SHB: variants seen among roughly 807,000 people sequenced by gnomAD.
SHB encodes SH2 domain containing adaptor protein B.
In SHB, 20 loss-of-function variants were observed where a neutral mutation model predicts 52.3. The observed-to-expected ratio is 0.38, with a 90% confidence interval of 0.27 to 0.56. SHB has a LOEUF of 0.56. SHB is among the 20% of genes least tolerant of loss of function. SHB has a pLI of 0.71. For missense variants in SHB, 825 were observed against 723.3 expected (o/e 1.14, Z -1.61); for synonymous variants, 397 against 316.5 (o/e 1.25, Z -2.70).
At chr9:37,955,341 G>A (rs1832616188) in intron 4 of SHB, among the ~76,000 whole-genome samples, 1 of 152,152 alleles carries the variant, frequency 6.6e-6, no homozygotes, top group African/African-American at 2.4e-5. Flanking sequence ...GGAGGTATGT[G>A]TTCTAATCCT....
intron 1 of SHB, among the ~76,000 whole-genome samples, chr9:38,055,204 G>A (rs1448683683): frequency 6.6e-6 from 1 of 152,158 alleles, no homozygotes; most frequent in East Asian, 1.9e-4. Context: ...AGTCATGTTC[G>A]GCAGTGTTCA....
In SHB at chr9:37,918,696, TTC is replaced by T. The variant is rs754209291; in HGVS notation, c.*1123_*1124del. Among the ~76,000 whole-genome samples, 4 of 152,134 alleles carry T rather than the reference TTC, an allele frequency of 2.6e-5. No individual in the cohort carries two copies. The highest frequency in any genetic ancestry group is 4.4e-5 in the Non-Finnish European group (3 of 68,008). ...TGTGGCTTTGGGCAAATGACGTTCC[TTC>T]TCTGTCTCCCTTTCCCTACATGCCA... On this transcript the variant is annotated 3_prime_UTR_variant, in exon 6 of 6. Transcript: ENST00000377707.
chr9:38,038,449 C>T (rs1821519249), intron 1 of SHB, among the ~76,000 whole-genome samples: 1 of 152,198 alleles, frequency 6.6e-6, no homozygotes, highest in Non-Finnish European at 1.5e-5. Context: ...ACCTCCACCC[C>T]AAACTGGAGA....
chr9:37,949,431 GA>G (rs1379227260), intron 4 of SHB, among the ~76,000 whole-genome samples: 1 of 150,322 alleles, frequency 6.7e-6, no homozygotes, highest in East Asian at 1.9e-4. Flanking sequence ...AAAGAAAATG[GA>G]AAAAAAAGAA....
chr9:37,928,940 C>A (rs577873683), intron 5 of SHB, among the ~76,000 whole-genome samples: 1 of 152,228 alleles, frequency 6.6e-6, no homozygotes, highest in Admixed American at 6.5e-5. Context: ...AAGGCAGCCT[C>A]GGGGGAAGCC....
chr9:38,045,715 A>G (rs1005519317), intron 1 of SHB, among the ~76,000 whole-genome samples: 3 of 152,192 alleles, frequency 2.0e-5, no homozygotes, highest in African/African-American at 7.2e-5. Flanking sequence ...ACAGCACAAC[A>G]CAGGTACAAT....
At chr9:37,954,966 T>C (rs1203907288) in intron 4 of SHB, among the ~76,000 whole-genome samples, 1 of 151,958 alleles carries the variant, frequency 6.6e-6, no homozygotes, top group Non-Finnish European at 1.5e-5. Context: ...ATGTGGGACC[T>C]TGGGGGCAGC....
At chr9:38,060,936 C>T (rs1821883328) in intron 1 of SHB, among the ~76,000 whole-genome samples, 1 of 152,192 alleles carries the variant, frequency 6.6e-6, no homozygotes, top group Non-Finnish European at 1.5e-5. Flanking sequence ...TCCCTGTATC[C>T]ACACAGCTCC....
At chr9:37,994,145 G>T (rs7852775) in intron 2 of SHB, among the ~76,000 whole-genome samples, 2,106 of 152,286 alleles carry the variant, frequency 0.014, 19 homozygotes, top group Middle Eastern at 0.034. Context: ...TTTATAGATG[G>T]TTATAGCAAC....
intron 1 of SHB, among the ~76,000 whole-genome samples, chr9:38,064,792 G>A (rs546050324): frequency 7.4e-4 from 113 of 152,322 alleles, no homozygotes; most frequent in Non-Finnish European, 1.2e-3. Context: ...GGCTATGTTA[G>A]GGGAGAAACC....
At chr9:37,949,147 G>A (rs1310383746) in intron 4 of SHB, among the ~76,000 whole-genome samples, 2 of 152,188 alleles carry the variant, frequency 1.3e-5, no homozygotes, top group Admixed American at 6.5e-5. Context: ...TGTAATCCCA[G>A]CGCTTTGGGA....
At chr9:37,937,551 T>C (rs1050724387) in intron 5 of SHB, among the ~76,000 whole-genome samples, 11 of 151,690 alleles carry the variant, frequency 7.3e-5, no homozygotes, top group African/African-American at 2.7e-4. Context: ...GGGAGCTTCC[T>C]AGAGAAGAGC....
intron 2 of SHB, among the ~76,000 whole-genome samples, chr9:37,977,473 C>T (rs1005329142): frequency 2.0e-5 from 3 of 152,166 alleles, no homozygotes; most frequent in Non-Finnish European, 2.9e-5. Context: ...AGAAGGTGTC[C>T]CACACTTTGG....
At chr9:38,066,925 CA>C (rs1009226996) in intron 1 of SHB, among the ~76,000 whole-genome samples, 6 of 152,100 alleles carry the variant, frequency 3.9e-5, no homozygotes, top group African/African-American at 1.4e-4. Flanking sequence ...AACAGCCACG[CA>C]CCAGGGCGCT....
intron 2 of SHB, among the ~76,000 whole-genome samples, chr9:37,977,058 T>C (rs1005402418): frequency 1.3e-5 from 2 of 152,238 alleles, no homozygotes; most frequent in Non-Finnish European, 2.9e-5. Flanking sequence ...ACTTCATGAC[T>C]TGGGCCATTT....
At chr9:37,984,189 C>T (rs1021220736) in intron 2 of SHB, among the ~76,000 whole-genome samples, 3 of 152,152 alleles carry the variant, frequency 2.0e-5, no homozygotes, top group African/African-American at 7.2e-5. Context: ...TCCTTGGAGC[C>T]CCATCTCCAA....
Position 37,948,624 on chromosome 9 carries a change from G to C in SHB, c.1346+11C>G. ...CCGAGGAGGGCTGGGGGTGCTCGGG[G>C]CGGCACTCACCTCAGGGAGAGGGAG... On this transcript the variant is annotated intron_variant, in intron 5 of 5. Coordinates refer to ENST00000377707, the MANE Select transcript of SHB (RefSeq NM_003028.3). 6.2e-7 allele frequency: 1 copy of C among 1,613,014 alleles called. No homozygotes were observed. Among genetic ancestry groups the C allele is most frequent in the Non-Finnish European group, 8.5e-7 (1 of 1,179,956 alleles).
At chr9:38,033,951 G>A (rs955688491) in intron 1 of SHB, among the ~76,000 whole-genome samples, 1 of 152,162 alleles carries the variant, frequency 6.6e-6, no homozygotes, top group Non-Finnish European at 1.5e-5. Context: ...TACCCACACC[G>A]AGGGCACTTA....
intron 2 of SHB, among the ~76,000 whole-genome samples, chr9:37,992,288 C>A (rs1251384387): frequency 6.6e-6 from 1 of 151,932 alleles, no homozygotes; most frequent in African/African-American, 2.4e-5. Flanking sequence ...GTAGTCCCAG[C>A]TACTCAGGAG....
Sources: gnomAD v4.1 joint callset for allele counts (sites outside exome capture counted in the v4.1 genomes callset) on GRCh38, gnomAD v4.1.1 for gene constraint, MANE v1.5 for transcripts, NCBI Gene and HGNC (gene_info 2026-07-23, HGNC 2026-07-21) for gene names.